Variants in WDR27 observed in about 807,000 individuals in gnomAD.
The protein encoded by WDR27 is WD repeat-containing protein 27.
In WDR27, 100 loss-of-function variants were observed where a neutral mutation model predicts 114.4. The observed-to-expected ratio is 0.87, with a 90% CI of 0.74 to 1.03. The LOEUF is 1.03. WDR27 is among the 50% of genes least tolerant of loss of function. The pLI is 0.00. For synonymous variants in WDR27, 449 were observed against 423.1 expected (o/e 1.06, Z -0.75); for missense variants, 1,129 against 1,092.9 (o/e 1.03, Z -0.47).
downstream of WDR27, among the ~76,000 whole-genome samples, chr6:169,455,143 C>G (rs932052430): frequency 6.6e-6 from 1 of 152,234 alleles, no homozygotes; most frequent in Admixed American, 6.5e-5. Context: ...GCTCAGTCCT[C>G]GTCACACAGA....
At chr6:169,500,513 A>G (rs780618168) in intron 25 of WDR27, among the ~76,000 whole-genome samples, 12 of 152,172 alleles carry the variant, frequency 7.9e-5, no homozygotes, top group Non-Finnish European at 1.0e-4. Context: ...GCTGGGACCT[A>G]AGAAACCTCC....
chr6:169,482,867 C>G (rs556591216), intron 25 of WDR27, among the ~76,000 whole-genome samples: 3 of 152,228 alleles, frequency 2.0e-5, no homozygotes, highest in African/African-American at 7.2e-5. Flanking sequence ...AAATAGGAAT[C>G]AAGACTAAGA....
At chr6:169,426,852 CTGCTGCT>C in the WDR27 span, 1 of 153,070 alleles carries the variant, frequency 6.5e-6, no homozygotes, top group African/African-American at 2.4e-5. Flanking sequence ...TGCCTGCTGC[CTGCTGCT>C]TGCCTGCTAC....
rs889058793 is a variant in WDR27 at position 169,684,150 on chromosome 6, C to T, written c.189+4667G>A. Among the ~76,000 whole-genome samples, 4 of 152,110 alleles carry T rather than the reference C, an allele frequency of 2.6e-5. 1 individual carries two copies. The highest frequency in any genetic ancestry group is 3.9e-4 in the East Asian group (2 of 5,170). ...CCTGCACAACAGAGAAACCAACCCT[C>T]GCCACTGCACTTCCAGCCAGAGAAA... On this transcript the variant is annotated intron_variant, in intron 2 of 25. Transcript: ENST00000448612. This position sits in a 1 kb window ranked among gnomAD's most constrained non-coding sequence, Gnocchi z 4.3.
chr6:169,562,016 A>G, intron 25 of WDR27, among the ~76,000 whole-genome samples: 1 of 152,244 alleles, frequency 6.6e-6, no homozygotes, highest in African/African-American at 2.4e-5. Flanking sequence ...AGAGGACATA[A>G]TAACCCAAAC....
intron 22 of WDR27, among the ~76,000 whole-genome samples, chr6:169,609,701 T>A (rs1052070052): frequency 6.6e-6 from 1 of 152,228 alleles, no homozygotes; most frequent in Non-Finnish European, 1.5e-5. Context: ...GAAGACATTT[T>A]CCCATTGTCT....
chr6:169,681,325 C>A (rs1781470806), intron 2 of WDR27, among the ~76,000 whole-genome samples: 1 of 152,164 alleles, frequency 6.6e-6, no homozygotes, highest in Non-Finnish European at 1.5e-5. Flanking sequence ...CCACTCATAT[C>A]TCCCGACAAT....
chr6:169,460,286 T>C (rs936570258), intron 25 of WDR27, among the ~76,000 whole-genome samples: 2 of 152,218 alleles, frequency 1.3e-5, no homozygotes, highest in African/African-American at 4.8e-5. Context: ...AATTTTGTGA[T>C]ATCAACAACT....
At chr6:169,577,260 C>G (rs1243064901) in intron 24 of WDR27, among the ~76,000 whole-genome samples, 9 of 152,056 alleles carry the variant, frequency 5.9e-5, no homozygotes, top group Admixed American at 5.9e-4. Context: ...GGGAATGGGA[C>G]GCGGAGGTGG....
Position 169,560,332 on chromosome 6 carries a change from G to T in WDR27, c.2645+12087C>A, listed in dbSNP as rs192032335. On this transcript the variant is annotated intron_variant, in intron 25 of 25. Coordinates refer to ENST00000448612, the MANE Select transcript of WDR27 (RefSeq NM_182552.5). ...GAGGCCTCCCCAGCCATATGGAACC[G>T]CAAGTCAAATTAAACCTACTTTTCT... Among the ~76,000 whole-genome samples the T allele has an allele frequency of 4.6e-5, 7 of 152,180 alleles. No homozygotes were observed. The South Asian group carries it at 1.4e-3, about 32-fold the overall frequency.
At chr6:169,531,172 T>C (rs1795546414) in intron 25 of WDR27, among the ~76,000 whole-genome samples, 1 of 152,258 alleles carries the variant, frequency 6.6e-6, no homozygotes, top group Non-Finnish European at 1.5e-5. Flanking sequence ...AAATGTACCT[T>C]CTTGACATTA....
Position 169,632,964 on chromosome 6 carries a change from G to A in WDR27, c.2206C>T (p.Gln736Ter). ...TTACTCACTTTATTTTGGCAGATTT[G>A]ATGGACAGGCCGTGAGTGGGCTTCC... ...IAEAHSRPVH[Q>*]ICQNKGSSFT... The change falls in exon 21 of 26, where the codon CAA becomes TAA. Residue 736 changes from glutamine to a stop codon, truncating the protein, a stop_gained. Coordinates refer to ENST00000448612, the MANE Select transcript of WDR27 (RefSeq NM_182552.5). LOFTEE classifies it high-confidence loss of function. The A allele has an allele frequency of 3.8e-6, 6 of 1,586,408 alleles. No homozygotes were observed. Among genetic ancestry groups the A allele is most frequent in the Non-Finnish European group, 5.2e-6 (6 of 1,158,664 alleles).
intron 7 of WDR27, chr6:169,665,284 C>T (rs1827517774): frequency 4.5e-6 from 6 of 1,346,004 alleles, no homozygotes; most frequent in Admixed American, 3.5e-5. Flanking sequence ...GACCCAGCTC[C>T]TCCGCAGACC....
intron 7 of WDR27, chr6:169,664,967 G>GCACC (rs1562870184): frequency 0.042 from 130 of 3,130 alleles, no homozygotes; most frequent in African/African-American, 0.068. Flanking sequence ...GGCGCGGGCA[G>GCACC]CGTGCGGGCA....
chr6:169,681,064 A>C (rs1781396257), intron 2 of WDR27, among the ~76,000 whole-genome samples: 2 of 152,244 alleles, frequency 1.3e-5, no homozygotes, highest in Non-Finnish European at 2.9e-5. Flanking sequence ...TGACATTTAT[A>C]AAACAAAAGA....
At chr6:169,660,591 CACTT>C (rs1045283308) in intron 10 of WDR27, 68 bp downstream of exon 10, 174 of 1,316,948 alleles carry the variant, frequency 1.3e-4, no homozygotes, top group Non-Finnish European at 1.8e-4. Context: ...TCTCCACAAA[CACTT>C]ACACTACCCC....
chr6:169,693,473 AC>A (rs1202093689), intron 1 of WDR27, among the ~76,000 whole-genome samples: 1 of 152,194 alleles, frequency 6.6e-6, no homozygotes, highest in Non-Finnish European at 1.5e-5. Context: ...ATAGAGCAGT[AC>A]CCCACAGCTC....
chr6:169,658,140 A>G (rs1175495604), intron 13 of WDR27, 136 bp downstream of exon 13: 1 of 716,894 alleles, frequency 1.4e-6, no homozygotes, highest in Non-Finnish European at 2.4e-6. Context: ...AGGCAGAGAC[A>G]TGAAGGACAG....
intron 23 of WDR27, among the ~76,000 whole-genome samples, chr6:169,584,511 C>T (rs536520867): frequency 1.3e-5 from 2 of 152,332 alleles, no homozygotes; most frequent in Non-Finnish European, 2.9e-5. Context: ...GCTGCACCAA[C>T]CTACATTCCC....
Sources: allele counts gnomAD v4.1 joint callset (sites outside exome capture counted in the v4.1 genomes callset), GRCh38; gene constraint gnomAD v4.1.1; non-coding constraint Gnocchi (gnomAD v3.1); transcripts MANE v1.5; gene names NCBI Gene and HGNC (gene_info 2026-07-23, HGNC 2026-07-21).